The following PKIA variants were observed in gnomAD, a reference collection of about 807,000 sequenced individuals.
The protein encoded by PKIA is PKI-alpha.
PKIA carries 4 observed loss-of-function variants against 7.6 expected under a neutral mutation model. The ratio of observed to expected loss-of-function variants is 0.52; its 90% CI spans 0.26 to 1.20. The LOEUF is 1.20. Ranked by LOEUF, PKIA falls within the 50% of genes most tolerant of loss-of-function variation. The pLI is 0.13. For synonymous variants in PKIA, 21 were observed against 30.7 expected (o/e 0.68, Z 1.04); for missense variants, 73 against 86.2 (o/e 0.85, Z 0.61).
intron 2 of PKIA, among the ~76,000 whole-genome samples, chr8:78,597,610 C>T (rs1414910733): frequency 6.6e-6 from 1 of 152,130 alleles, no homozygotes; most frequent in Admixed American, 6.5e-5. Flanking sequence ...CAAGTTCTCT[C>T]TGGAGTTGAA....
At position 78,601,953 on chromosome 8, in the gene PKIA, A is replaced by G; in HGVS notation, c.*132A>G. ...GCTGCATTGCAGGAACCTGCTCATTATCATGTTAAAAATGAGGGCAGAGGC... is the reference window on the plus strand; with the variant it reads ...GCTGCATTGCAGGAACCTGCTCATTGTCATGTTAAAAATGAGGGCAGAGGC... On this transcript the variant is annotated 3_prime_UTR_variant, in exon 4 of 4. Transcript: ENST00000396418. 1 of 682,064 alleles carries G rather than the reference A, an allele frequency of 1.5e-6. No homozygotes were observed. Among genetic ancestry groups the G allele is most frequent in the South Asian group, 1.9e-5 (1 of 53,738 alleles). The allele number at this position is 682,064 out of a possible 1,614,324, so 42.3% of individuals were successfully genotyped here. A position where few individuals can be genotyped will look rare whatever the true frequency, so the allele number is the denominator to read the frequency against.
intron 1 of PKIA, among the ~76,000 whole-genome samples, chr8:78,539,892 A>C (rs545808021): frequency 6.6e-6 from 1 of 152,196 alleles, no homozygotes; most frequent in East Asian, 1.9e-4. Context: ...ACATACACCT[A>C]CAGTTTTATG....
At chr8:78,592,244 ATG>A (rs1217866426) in intron 2 of PKIA, among the ~76,000 whole-genome samples, 1 of 152,162 alleles carries the variant, frequency 6.6e-6, no homozygotes, top group Non-Finnish European at 1.5e-5. Context: ...TTGTTTAAAA[ATG>A]TAATTGTATG....
intron 2 of PKIA, among the ~76,000 whole-genome samples, chr8:78,585,062 C>T (rs945620791): frequency 2.6e-5 from 4 of 151,866 alleles, no homozygotes; most frequent in African/African-American, 9.7e-5. Flanking sequence ...AACAACTTGT[C>T]TCTTGGCCAA....
At chr8:78,534,979 G>T (rs1806484821) in intron 1 of PKIA, 1 of 152,110 alleles carries the variant, frequency 6.6e-6, no homozygotes, top group Non-Finnish European at 1.5e-5. Context: ...TCCCTGCCAA[G>T]AAATCACCAG....
intron 1 of PKIA, among the ~76,000 whole-genome samples, chr8:78,548,790 T>G (rs972401684): frequency 6.6e-6 from 1 of 152,094 alleles, no homozygotes; most frequent in Admixed American, 6.6e-5. Flanking sequence ...ATAATTATAT[T>G]GTTATAATGC....
chr8:78,593,863 A>T (rs965914614), intron 2 of PKIA, among the ~76,000 whole-genome samples: 1 of 150,782 alleles, frequency 6.6e-6, no homozygotes, highest in African/African-American at 2.5e-5. Flanking sequence ...ATCTATAAAA[A>T]CTTCTAGACT....
At chr8:78,560,624 T>C (rs1424018686) in intron 1 of PKIA, among the ~76,000 whole-genome samples, 1 of 152,156 alleles carries the variant, frequency 6.6e-6, no homozygotes, top group Admixed American at 6.6e-5. Flanking sequence ...GGGAAGCAGA[T>C]GGACTGTGAA....
chr8:78,559,720 C>T (rs1807238398), intron 1 of PKIA, among the ~76,000 whole-genome samples: 1 of 152,164 alleles, frequency 6.6e-6, no homozygotes, highest in Non-Finnish European at 1.5e-5. Context: ...GGCAAACCAG[C>T]ATAGTTCTTT....
chr8:78,598,157 A>G (rs180882708), intron 2 of PKIA, among the ~76,000 whole-genome samples: 20 of 149,594 alleles, frequency 1.3e-4, no homozygotes, highest in African/African-American at 4.6e-4. Context: ...ACATTTAAAT[A>G]TGTAAAAATG....
intron 1 of PKIA, among the ~76,000 whole-genome samples, chr8:78,522,361 T>G (rs1809431692): frequency 6.6e-6 from 1 of 151,932 alleles, no homozygotes. Context: ...ACTTTTACTT[T>G]TGATCAAAGA....
At chr8:78,553,474 TAGA>T (rs1807040051) in intron 1 of PKIA, among the ~76,000 whole-genome samples, 3 of 152,016 alleles carry the variant, frequency 2.0e-5, no homozygotes, top group Admixed American at 2.0e-4. Flanking sequence ...TTTTTTCTCA[TAGA>T]AGAATTGTTT....
intron 1 of PKIA, among the ~76,000 whole-genome samples, chr8:78,529,209 C>G (rs910817213): frequency 2.0e-5 from 3 of 152,006 alleles, no homozygotes; most frequent in Non-Finnish European, 4.4e-5. Flanking sequence ...GACAGGCAAC[C>G]TTTGACAATA....
At position 78,558,914 on chromosome 8, in the gene PKIA, GGTTT is replaced by G. The variant is rs545852990; in HGVS notation, c.-156-13876_-156-13873del. Among the ~76,000 whole-genome samples the G allele has an allele frequency of 1.4e-3, 218 of 152,004 alleles. 1 individual carries two copies. Among genetic ancestry groups the G allele is most frequent in the African/African-American group, 3.9e-3 (163 of 41,492 alleles). On this transcript the variant is annotated intron_variant, in intron 1 of 3. Coordinates refer to ENST00000396418, the MANE Select transcript of PKIA (RefSeq NM_006823.4). ...GAAACTGTGCATTTAATACATTATG[GGTTT>G]GTTTGTTTGTTTGTTTGTTTTGAGA...
intron 2 of PKIA, among the ~76,000 whole-genome samples, chr8:78,583,750 G>A (rs1265525134): frequency 2.0e-5 from 3 of 152,006 alleles, no homozygotes; most frequent in East Asian, 3.9e-4. Flanking sequence ...GACAATGTTG[G>A]CTTGACCTAA....
At position 78,601,866 on chromosome 8, in the gene PKIA, T is replaced by A. The variant is rs1351565643; in HGVS notation, c.*45T>A. ...ACCACACCTGAAAATGTCTCAAATC[T>A]CCAGGAGTATCTGGAATGCATTTGT... On this transcript the variant is annotated 3_prime_UTR_variant, in exon 4 of 4. Coordinates refer to ENST00000396418, the MANE Select transcript of PKIA (RefSeq NM_006823.4). 7.2e-7 allele frequency: 1 copy of A among 1,394,942 alleles called. No individual in the cohort carries two copies. Among genetic ancestry groups the A allele is most frequent in the Non-Finnish European group, 1.0e-6 (1 of 985,694 alleles). 86.4% of individuals were successfully genotyped at this position (1,394,942 alleles called of 1,614,324 possible). A position where few individuals can be genotyped will look rare whatever the true frequency, so the allele number is the denominator to read the frequency against.
At chr8:78,599,093 G>A (rs1808296687) in intron 3 of PKIA, among the ~76,000 whole-genome samples, 1 of 151,938 alleles carries the variant, frequency 6.6e-6, no homozygotes. Context: ...TGAAAAATTT[G>A]TCTCCTTACT....
intron 1 of PKIA, among the ~76,000 whole-genome samples, chr8:78,527,387 T>C (rs1806270851): frequency 6.6e-6 from 1 of 152,010 alleles, no homozygotes. Context: ...TGTATATGTG[T>C]ATCTATGTAT....
intron 1 of PKIA, among the ~76,000 whole-genome samples, chr8:78,543,461 G>C (rs1490784195): frequency 1.3e-5 from 2 of 152,078 alleles, no homozygotes; most frequent in Non-Finnish European, 2.9e-5. Flanking sequence ...TCTTCTAAAA[G>C]GAATAAACTA....
Sources: gnomAD v4.1 joint callset for allele counts (sites outside exome capture counted in the v4.1 genomes callset) on GRCh38, gnomAD v4.1.1 for gene constraint, MANE v1.5 for transcripts, NCBI Gene and HGNC (gene_info 2026-07-23, HGNC 2026-07-21) for gene names.